LRRC4C: variants seen among roughly 807,000 people sequenced by gnomAD.
The protein encoded by LRRC4C is leucine-rich repeat-containing protein 4C.
A neutral mutation model predicts 33.6 loss-of-function variants in LRRC4C; 5 were observed. The ratio of observed to expected loss-of-function variants is 0.15; its 90% CI spans 0.08 to 0.31. The LOEUF (loss-of-function observed/expected upper bound fraction) is 0.31. Among genes scored for constraint, LRRC4C ranks in the 10% least tolerant of loss-of-function variants. LRRC4C has a pLI of 1.00. For synonymous variants in LRRC4C, 329 were observed against 302.0 expected (o/e 1.09, Z -0.93); for missense variants, 560 against 796.7 (o/e 0.70, Z 3.58).
chr11:40,500,964 A>G (rs908705503), intron 3 of LRRC4C, among the ~76,000 whole-genome samples: 2 of 152,228 alleles, frequency 1.3e-5, no homozygotes, highest in Non-Finnish European at 2.9e-5. Context: ...CTTCCTAGAT[A>G]CATTGGGGAT....
chr11:40,390,269 C>T lies in LRRC4C; in HGVS notation c.-269-70548G>A, dbSNP rs562369890. Reference sequence around the variant, plus strand: ...CTGTACGAGACAGTTAAAGAAGCATCAAACATATCTCATTAAAGAAAACAA... The same window carrying T: ...CTGTACGAGACAGTTAAAGAAGCATTAAACATATCTCATTAAAGAAAACAA... On this transcript the variant is annotated intron_variant, in intron 3 of 6. Transcript: ENST00000528697. 1.4e-4 allele frequency among the ~76,000 whole-genome samples: 21 copies of T among 152,244 alleles called. No homozygotes were observed. The South Asian group carries it at 4.2e-3, about 30-fold the overall frequency.
At chr11:40,566,893 A>G (rs1272635490) in intron 3 of LRRC4C, among the ~76,000 whole-genome samples, 1 of 152,170 alleles carries the variant, frequency 6.6e-6, no homozygotes, top group Non-Finnish European at 1.5e-5. Flanking sequence ...AGGCAGTGCT[A>G]TATCTATAAT....
intron 1 of LRRC4C, among the ~76,000 whole-genome samples, chr11:41,226,256 A>T (rs1947529104): frequency 6.6e-6 from 1 of 152,102 alleles, no homozygotes; most frequent in Non-Finnish European, 1.5e-5. Flanking sequence ...CCAAACAATG[A>T]TCGTTCATAG....
Position 41,239,356 on chromosome 11 carries a change from C to A in LRRC4C, c.-496+220075G>T, listed in dbSNP as rs138801597. Reference sequence around the variant, plus strand: ...AAAAAAAAAAAAAAAATGTCCTCCACAGTATTTTCCTATTTAATCAGAGTA... The same window carrying A: ...AAAAAAAAAAAAAAAATGTCCTCCAAAGTATTTTCCTATTTAATCAGAGTA... On this transcript the variant is annotated intron_variant, in intron 1 of 6. Transcript: ENST00000528697. Among the ~76,000 whole-genome samples the A allele has an allele frequency of 2.4e-3, 357 of 148,180 alleles. 2 individuals carry two copies. The highest frequency in any genetic ancestry group is 8.2e-3 in the African/African-American group (333 of 40,386).
intron 1 of LRRC4C, among the ~76,000 whole-genome samples, chr11:41,226,419 A>G (rs899825885): frequency 6.6e-6 from 1 of 152,114 alleles, no homozygotes; most frequent in Non-Finnish European, 1.5e-5. Context: ...CCAAAATAAC[A>G]CATTCTTTCT....
chr11:41,437,912 C>T (rs1432917220), intron 1 of LRRC4C, among the ~76,000 whole-genome samples: 1 of 152,008 alleles, frequency 6.6e-6, no homozygotes, highest in Non-Finnish European at 1.5e-5. Context: ...GTTGTGGGCA[C>T]CTGTAATTCC....
chr11:40,412,395 A>G (rs1023852756), intron 3 of LRRC4C, among the ~76,000 whole-genome samples: 4 of 151,952 alleles, frequency 2.6e-5, no homozygotes, highest in African/African-American at 9.7e-5. Flanking sequence ...CTGGTTTTCC[A>G]TTTTTTGGTG....
At chr11:40,453,940 T>C (rs2119180) in intron 3 of LRRC4C, among the ~76,000 whole-genome samples, 60,900 of 151,942 alleles carry the variant, frequency 0.4, 12,524 homozygotes, top group East Asian at 0.55. Context: ...GTAAATTTTA[T>C]GATATGTGAA....
intron 5 of LRRC4C, among the ~76,000 whole-genome samples, chr11:40,170,540 A>T (rs928417000): frequency 1.3e-5 from 2 of 152,214 alleles, no homozygotes; most frequent in African/African-American, 4.8e-5. Flanking sequence ...CCAGAGAGGG[A>T]AGAAAAAGAT....
At chr11:40,758,090 A>G (rs921920387) in intron 2 of LRRC4C, among the ~76,000 whole-genome samples, 2 of 152,024 alleles carry the variant, frequency 1.3e-5, no homozygotes, top group Admixed American at 6.6e-5. Context: ...CGCGAAATGC[A>G]AGTCTAAGCT....
At chr11:40,184,908 G>T (rs747066767) in intron 5 of LRRC4C, among the ~76,000 whole-genome samples, 1 of 152,136 alleles carries the variant, frequency 6.6e-6, no homozygotes, top group Non-Finnish European at 1.5e-5. Flanking sequence ...TTTCTGCTGC[G>T]CTTCCTGCTA....
chr11:41,367,579 C>T lies in LRRC4C; in HGVS notation c.-496+91852G>A, dbSNP rs562641191. On this transcript the variant is annotated intron_variant, in intron 1 of 6. Coordinates refer to ENST00000528697, the MANE Select transcript of LRRC4C (RefSeq NM_001258419.2). Reference sequence around the variant, plus strand: ...AATTTTGAGCTTCAGATTTTTCACACGTAAAATTGGAGACAATAGCTACTG... The same window carrying T: ...AATTTTGAGCTTCAGATTTTTCACATGTAAAATTGGAGACAATAGCTACTG... 1.9e-4 allele frequency among the ~76,000 whole-genome samples: 29 copies of T among 152,194 alleles called. No individual in the cohort carries two copies. In the South Asian group the frequency reaches 5.0e-3, roughly 26 times the overall value.
chr11:41,281,529 A>G (rs1486500656), intron 1 of LRRC4C, among the ~76,000 whole-genome samples: 1 of 152,238 alleles, frequency 6.6e-6, no homozygotes, highest in Non-Finnish European at 1.5e-5. Context: ...TGATTATGTC[A>G]GAGAAGAATT....
At chr11:41,224,639 T>A (rs1266271879) in intron 1 of LRRC4C, among the ~76,000 whole-genome samples, 1 of 152,224 alleles carries the variant, frequency 6.6e-6, no homozygotes, top group African/African-American at 2.4e-5. Context: ...AGACATGAAT[T>A]TGTATCCCAG....
chr11:41,226,045 G>A (rs947790426), intron 1 of LRRC4C, among the ~76,000 whole-genome samples: 1 of 152,194 alleles, frequency 6.6e-6, no homozygotes, highest in Non-Finnish European at 1.5e-5. Flanking sequence ...TTATGTCATT[G>A]CAATAATAGA....
At chr11:40,641,233 T>A (rs1376181042) in intron 3 of LRRC4C, among the ~76,000 whole-genome samples, 1 of 152,124 alleles carries the variant, frequency 6.6e-6, no homozygotes, top group African/African-American at 2.4e-5. Flanking sequence ...AGTTTAGAGT[T>A]CTAAGCCTAA....
At position 40,287,789 on chromosome 11, in the gene LRRC4C, T is replaced by C. The variant is rs573800230; in HGVS notation, c.-176+31839A>G. 2.6e-5 allele frequency among the ~76,000 whole-genome samples: 4 copies of C among 152,314 alleles called. No individual in the cohort carries two copies. In the South Asian group the frequency reaches 6.2e-4, roughly 24 times the overall value. ...TTTTCCACAATTCACAAAGTATATT[T>C]CAATCTTTACTGACGAAATGGCATT... is the stretch of plus-strand genomic sequence containing the variant. On this transcript the variant is annotated intron_variant, in intron 4 of 6. Coordinates refer to ENST00000528697, the MANE Select transcript of LRRC4C (RefSeq NM_001258419.2).
intron 3 of LRRC4C, among the ~76,000 whole-genome samples, chr11:40,436,041 T>C (rs1465897559): frequency 6.6e-6 from 1 of 152,182 alleles, no homozygotes; most frequent in Non-Finnish European, 1.5e-5. Flanking sequence ...GTCCTATCCT[T>C]CTTTAATTTT....
At chr11:41,314,427 A>G (rs1950727239) in intron 1 of LRRC4C, among the ~76,000 whole-genome samples, 2 of 152,226 alleles carry the variant, frequency 1.3e-5, no homozygotes, top group African/African-American at 4.8e-5. Flanking sequence ...GATTGATATG[A>G]TAATTGTCAG....
Sources: gnomAD v4.1 joint callset for allele counts (sites outside exome capture counted in the v4.1 genomes callset) on GRCh38, gnomAD v4.1.1 for gene constraint, MANE v1.5 for transcripts, NCBI Gene and HGNC (gene_info 2026-07-23, HGNC 2026-07-21) for gene names.